Variants in VWC2 observed in about 807,000 individuals in gnomAD.
VWC2 encodes von Willebrand factor C domain containing 2.
VWC2 carries 14 observed loss-of-function variants against 29.8 expected under a neutral mutation model. The observed-to-expected ratio is 0.47, with a 90% CI of 0.31 to 0.74. The LOEUF is 0.74. Ranked by LOEUF, VWC2 falls within the 30% of genes least tolerant of loss-of-function variation. The pLI, the probability that VWC2 is intolerant of heterozygous loss-of-function variation, is 0.05. For synonymous variants in VWC2, 213 were observed against 199.0 expected (o/e 1.07, Z -0.59); for missense variants, 457 against 459.8 (o/e 0.99, Z 0.05).
intron 2 of VWC2, among the ~76,000 whole-genome samples, chr7:49,799,639 A>G (rs1788689016): frequency 6.6e-6 from 1 of 152,244 alleles, no homozygotes; most frequent in Non-Finnish European, 1.5e-5. Context: ...GATTTTTTAG[A>G]AGTGAACAAA....
intron 1 of VWC2, among the ~76,000 whole-genome samples, chr7:49,774,611 G>A (rs938325356): frequency 6.6e-6 from 1 of 152,164 alleles, no homozygotes; most frequent in Non-Finnish European, 1.5e-5. Context: ...ACAAGACTGA[G>A]CGCTGCGGCC....
At chr7:49,851,194 T>C (rs1790165856) in intron 3 of VWC2, among the ~76,000 whole-genome samples, 1 of 152,224 alleles carries the variant, frequency 6.6e-6, no homozygotes, top group South Asian at 2.1e-4. Flanking sequence ...TGTGGTCTTC[T>C]TCTCTGTGCC....
rs1002406451 is a variant in VWC2, at chr7:49,919,415, A to G, written c.*7230A>G. On this transcript the variant is annotated 3_prime_UTR_variant, in exon 4 of 4. Coordinates refer to ENST00000340652, the MANE Select transcript of VWC2 (RefSeq NM_198570.5). ...ATTATGATTTATACTTTTAAGCAAA[A>G]TTTTGCCATTTTCTGATACATAGTA... 2.6e-5 allele frequency: 4 copies of G among 152,162 alleles called. No individual in the cohort carries two copies. Among genetic ancestry groups the G allele is most frequent in the African/African-American group, 9.7e-5 (4 of 41,430 alleles). The allele number at this position is 152,162 out of a possible 1,614,324, so 9.4% of individuals were successfully genotyped here.
intron 2 of VWC2, among the ~76,000 whole-genome samples, chr7:49,792,415 T>A (rs974042152): frequency 6.6e-6 from 1 of 152,228 alleles, no homozygotes; most frequent in Non-Finnish European, 1.5e-5. Flanking sequence ...TACGCTGCAC[T>A]AGACACCTTT....
chr7:49,805,255 G>T (rs561328933), intron 3 of VWC2, among the ~76,000 whole-genome samples: 135 of 152,278 alleles, frequency 8.9e-4, no homozygotes, highest in African/African-American at 3.2e-3. Context: ...TCTATATTTT[G>T]AGAGGCAGTA....
intron 3 of VWC2, among the ~76,000 whole-genome samples, chr7:49,906,680 C>T (rs892267109): frequency 1.3e-5 from 2 of 152,140 alleles, no homozygotes; most frequent in African/African-American, 4.8e-5. Context: ...AAATTCTTAC[C>T]AAGAATTATT....
At chr7:49,832,696 G>A (rs189249787) in intron 3 of VWC2, among the ~76,000 whole-genome samples, 1 of 152,202 alleles carries the variant, frequency 6.6e-6, no homozygotes, top group East Asian at 1.9e-4. Flanking sequence ...TGGTCTGCTG[G>A]GGCCTAGTGC....
In VWC2 at chr7:49,855,596, C is replaced by CT. The variant is rs1304364591; in HGVS notation, c.826+52759dup. ...GCCAAGCATTAGGTAGGTAGCGTCCCTTTAAGTCAGGACAGGTTTCTTGAT... is the reference window on the plus strand; with the variant it reads ...GCCAAGCATTAGGTAGGTAGCGTCCCTTTTAAGTCAGGACAGGTTTCTTGAT... On this transcript the variant is annotated intron_variant, in intron 3 of 3. Transcript: ENST00000340652. Among the ~76,000 whole-genome samples, 4 of 152,278 alleles carry CT rather than the reference C, an allele frequency of 2.6e-5. No homozygotes were observed. The South Asian group carries it at 8.3e-4, about 32-fold the overall frequency.
At chr7:49,848,934 C>G in intron 3 of VWC2, among the ~76,000 whole-genome samples, 1 of 152,226 alleles carries the variant, frequency 6.6e-6, no homozygotes, top group East Asian at 1.9e-4. Flanking sequence ...GTCTCTGTAT[C>G]TCTTATATGA....
At chr7:49,850,998 G>C (rs543669523) in intron 3 of VWC2, among the ~76,000 whole-genome samples, 3 of 152,302 alleles carry the variant, frequency 2.0e-5, no homozygotes, top group Non-Finnish European at 4.4e-5. Context: ...AGGAATGTCA[G>C]TTTACTCGTC....
Position 49,914,073 on chromosome 7 carries a change from G to A in VWC2, c.*1888G>A, listed in dbSNP as rs1302794533. ...TTTGTATTAAAGACTGGTAGACATTGGCCATCCCTCCTTTATTCAAGGATG... is the reference window on the plus strand; with the variant it reads ...TTTGTATTAAAGACTGGTAGACATTAGCCATCCCTCCTTTATTCAAGGATG... On this transcript the variant is annotated 3_prime_UTR_variant, in exon 4 of 4. Coordinates refer to ENST00000340652, the MANE Select transcript of VWC2 (RefSeq NM_198570.5). The A allele has an allele frequency of 1.3e-5, 2 of 152,174 alleles. No homozygotes were observed. The highest frequency in any genetic ancestry group is 2.9e-5 in the Non-Finnish European group (2 of 68,026). The allele number at this position is 152,174 out of a possible 1,614,324, so 9.4% of individuals were successfully genotyped here.
chr7:49,864,955 T>A (rs892308469), intron 3 of VWC2, among the ~76,000 whole-genome samples: 2 of 152,240 alleles, frequency 1.3e-5, no homozygotes, highest in African/African-American at 4.8e-5. Context: ...ACAGTTCCTG[T>A]TTGTTTTTCA....
chr7:49,853,519 G>T (rs1485165056), intron 3 of VWC2, among the ~76,000 whole-genome samples: 2 of 151,914 alleles, frequency 1.3e-5, no homozygotes, highest in African/African-American at 2.4e-5. Flanking sequence ...AATAAGATAG[G>T]TCCTAAGTTT....
chr7:49,829,518 C>T (rs189244252), intron 3 of VWC2, among the ~76,000 whole-genome samples: 11 of 152,326 alleles, frequency 7.2e-5, no homozygotes, highest in Non-Finnish European at 1.5e-4. Flanking sequence ...CCCCTAATAT[C>T]CCCGTTCATT....
At chr7:49,784,510 G>A (rs578116185) in intron 2 of VWC2, among the ~76,000 whole-genome samples, 43 of 152,332 alleles carry the variant, frequency 2.8e-4, no homozygotes, top group South Asian at 1.0e-3. Context: ...GTTGTGGCAC[G>A]TGAAGAGTTC....
intron 2 of VWC2, among the ~76,000 whole-genome samples, chr7:49,801,846 G>T (rs914214570): frequency 6.6e-6 from 1 of 152,244 alleles, no homozygotes; most frequent in African/African-American, 2.4e-5. Context: ...TTTTAGCGCT[G>T]CTGTAAAAGT....
intron 2 of VWC2, among the ~76,000 whole-genome samples, chr7:49,801,794 G>A (rs752560464): frequency 6.6e-6 from 1 of 152,260 alleles, no homozygotes; most frequent in Non-Finnish European, 1.5e-5. Context: ...CTGAGTCTCA[G>A]TTTCCTGTTA....
chr7:49,810,538 T>A lies in VWC2; in HGVS notation c.826+7698T>A, dbSNP rs1272779273. Among the ~76,000 whole-genome samples, 3 of 152,164 alleles carry A rather than the reference T, an allele frequency of 2.0e-5. No individual in the cohort carries two copies. In the East Asian group the frequency reaches 5.8e-4, roughly 29 times the overall value. Reference sequence around the variant, plus strand: ...TTTGTAGAAATTGACAGTCTGATCCTATAATTCATGCAGAATGTAAAGGAT... The same window carrying A: ...TTTGTAGAAATTGACAGTCTGATCCAATAATTCATGCAGAATGTAAAGGAT... On this transcript the variant is annotated intron_variant, in intron 3 of 3. Transcript: ENST00000340652.
At chr7:49,866,483 C>T (rs1790895263) in intron 3 of VWC2, among the ~76,000 whole-genome samples, 1 of 152,240 alleles carries the variant, frequency 6.6e-6, no homozygotes, top group South Asian at 2.1e-4. Context: ...TTGCAAGCCT[C>T]TGCTTGCATT....
Sources: gnomAD v4.1 joint callset for allele counts (sites outside exome capture counted in the v4.1 genomes callset) on GRCh38, gnomAD v4.1.1 for gene constraint, MANE v1.5 for transcripts, NCBI Gene and HGNC (gene_info 2026-07-23, HGNC 2026-07-21) for gene names.